ST6GALNAC5: variants seen among roughly 807,000 people sequenced by gnomAD.
ST6GALNAC5 encodes ST6 N-acetylgalactosaminide alpha-2,6-sialyltransferase 5.
ST6GALNAC5 carries 27 observed loss-of-function variants against 33.6 expected under a neutral mutation model. The observed-to-expected ratio is 0.80, with a 90% CI of 0.59 to 1.11. The LOEUF is 1.11. Among genes scored for constraint, ST6GALNAC5 ranks in the 50% least tolerant of loss-of-function variants. The pLI is 0.00. For synonymous variants in ST6GALNAC5, 194 were observed against 171.2 expected (o/e 1.13, Z -1.04); for missense variants, 428 against 454.0 (o/e 0.94, Z 0.52).
At chr1:76,948,417 C>A (rs1208723835) in intron 2 of ST6GALNAC5, among the ~76,000 whole-genome samples, 1 of 152,084 alleles carries the variant, frequency 6.6e-6, no homozygotes. Flanking sequence ...TCTCTAGAAC[C>A]AACATCCCTT....
chr1:76,934,717 G>C (rs1161875792), intron 2 of ST6GALNAC5, among the ~76,000 whole-genome samples: 2 of 152,004 alleles, frequency 1.3e-5, no homozygotes, highest in Non-Finnish European at 2.9e-5. Context: ...AGGGAGTACT[G>C]TGAATATTTT....
intron 2 of ST6GALNAC5, among the ~76,000 whole-genome samples, chr1:76,886,800 A>G (rs373155873): frequency 3.7e-4 from 57 of 152,254 alleles, no homozygotes; most frequent in African/African-American, 1.3e-3. Flanking sequence ...GAATCATTCA[A>G]TATTTGTCAT....
chr1:76,873,590 C>A (rs996106635), intron 2 of ST6GALNAC5, among the ~76,000 whole-genome samples: 2 of 152,164 alleles, frequency 1.3e-5, no homozygotes, highest in Non-Finnish European at 2.9e-5. Flanking sequence ...TCATTGCAAT[C>A]TCAAGACCCT....
chr1:76,922,607 T>C (rs114772802), intron 2 of ST6GALNAC5, among the ~76,000 whole-genome samples: 153 of 152,290 alleles, frequency 1.0e-3, no homozygotes, highest in African/African-American at 3.4e-3. Flanking sequence ...GTTATCAAGA[T>C]AGTGTGGTAT....
At chr1:77,044,639 C>A in intron 3 of ST6GALNAC5, 26 bp downstream of exon 3, 5 of 1,520,720 alleles carry the variant, frequency 3.3e-6, no homozygotes, top group Non-Finnish European at 4.4e-6. Flanking sequence ...GAAGAAGATG[C>A]AGGGGAGGGT....
intron 2 of ST6GALNAC5, among the ~76,000 whole-genome samples, chr1:77,043,020 A>G (rs185164830): frequency 2.2e-4 from 33 of 152,296 alleles, no homozygotes; most frequent in Admixed American, 8.5e-4. Context: ...AGACACAGCC[A>G]TGTCTCAGGA....
chr1:77,038,196 G>A (rs1651719198), intron 2 of ST6GALNAC5, among the ~76,000 whole-genome samples: 1 of 152,216 alleles, frequency 6.6e-6, no homozygotes, highest in Non-Finnish European at 1.5e-5. Flanking sequence ...CATTCACTGG[G>A]TGGAGACAGA....
At chr1:77,027,782 C>T (rs978924320) in intron 2 of ST6GALNAC5, among the ~76,000 whole-genome samples, 3 of 152,042 alleles carry the variant, frequency 2.0e-5, no homozygotes, top group African/African-American at 4.8e-5. Context: ...TCTGATGTGC[C>T]GTCCAAGTGG....
chr1:77,015,050 AACACACACACAC>A (rs5775372), intron 2 of ST6GALNAC5, among the ~76,000 whole-genome samples: 1 of 122,504 alleles, frequency 8.2e-6, no homozygotes, highest in East Asian at 2.4e-4. Context: ...CTCGCACACA[AACACACACACAC>A]ACACACACAC....
intron 2 of ST6GALNAC5, among the ~76,000 whole-genome samples, chr1:77,002,405 C>T (rs188034862): frequency 2.6e-5 from 4 of 151,904 alleles, no homozygotes; most frequent in South Asian, 2.1e-4. Flanking sequence ...GTCTTGATAG[C>T]GGTCTGTAAA....
intron 2 of ST6GALNAC5, among the ~76,000 whole-genome samples, chr1:77,016,748 G>A (rs1029542491): frequency 6.6e-6 from 1 of 152,128 alleles, no homozygotes; most frequent in African/African-American, 2.4e-5. Context: ...ATTGTTTCAT[G>A]TTGGAGAAAA....
chr1:76,911,793 C>T (rs1250463269), intron 2 of ST6GALNAC5, among the ~76,000 whole-genome samples: 14 of 151,838 alleles, frequency 9.2e-5, no homozygotes, highest in Admixed American at 2.0e-4. Context: ...GGTTTGATTG[C>T]GTCTATTTGA....
At chr1:77,007,386 G>A (rs980837047) in intron 2 of ST6GALNAC5, among the ~76,000 whole-genome samples, 6 of 152,154 alleles carry the variant, frequency 3.9e-5, no homozygotes, top group East Asian at 1.9e-4. Context: ...TACTTATTGT[G>A]AATCTACTCA....
chr1:76,897,303 G>T (rs558772678), intron 2 of ST6GALNAC5, among the ~76,000 whole-genome samples: 12 of 152,264 alleles, frequency 7.9e-5, no homozygotes, highest in African/African-American at 2.9e-4. Context: ...TTGAGGATAG[G>T]AGAGTATATG....
chr1:76,955,195 T>G (rs1647904271), intron 2 of ST6GALNAC5, among the ~76,000 whole-genome samples: 1 of 152,196 alleles, frequency 6.6e-6, no homozygotes, highest in African/African-American at 2.4e-5. Context: ...GTGGCAGCTA[T>G]TCATATTACT....
At chr1:76,896,295 C>T (rs1005294249) in intron 2 of ST6GALNAC5, among the ~76,000 whole-genome samples, 1 of 152,142 alleles carries the variant, frequency 6.6e-6, no homozygotes, top group African/African-American at 2.4e-5. Context: ...TTGAGTAAAG[C>T]TAATTTGCCA....
At chr1:76,988,458 T>C (rs1174075551) in intron 2 of ST6GALNAC5, among the ~76,000 whole-genome samples, 3 of 152,092 alleles carry the variant, frequency 2.0e-5, no homozygotes, top group African/African-American at 7.2e-5. Context: ...AAATTGATCT[T>C]AGTCCTCTGG....
At chr1:77,034,495 G>A (rs931934099) in intron 2 of ST6GALNAC5, among the ~76,000 whole-genome samples, 1 of 152,138 alleles carries the variant, frequency 6.6e-6, no homozygotes, top group Non-Finnish European at 1.5e-5. Flanking sequence ...AGCTTTTGAG[G>A]GAAGCAGAAA....
intron 2 of ST6GALNAC5, among the ~76,000 whole-genome samples, chr1:76,993,220 G>A (rs1483669469): frequency 6.6e-6 from 1 of 152,094 alleles, no homozygotes; most frequent in East Asian, 1.9e-4. Context: ...CTCTGATGTT[G>A]TCCTATTTTG....
Sources: gnomAD v4.1 joint callset for allele counts (sites outside exome capture counted in the v4.1 genomes callset) on GRCh38, gnomAD v4.1.1 for gene constraint, MANE v1.5 for transcripts, NCBI Gene and HGNC (gene_info 2026-07-23, HGNC 2026-07-21) for gene names.